The following C2orf42 variants were observed in gnomAD, a reference collection of about 807,000 sequenced individuals.
C2orf42 encodes chromosome 2 open reading frame 42.
A neutral mutation model predicts 58.9 loss-of-function variants in C2orf42; 44 were observed. The ratio of observed to expected loss-of-function variants is 0.75; its 90% CI spans 0.59 to 0.96. The LOEUF (loss-of-function observed/expected upper bound fraction) is 0.96, where lower values mean the gene tolerates loss of function less well. C2orf42 is among the 40% of genes least tolerant of loss of function. The probability of loss-of-function intolerance (pLI) is 0.00; values close to 1 mark genes in which losing one functional copy is unlikely to be tolerated. For missense variants in C2orf42, 630 were observed against 699.2 expected (o/e 0.90, Z 1.12); for synonymous variants, 239 against 265.4 (o/e 0.90, Z 0.97).
chr2:70,159,480 C>G (rs943834968), intron 9 of C2orf42, among the ~76,000 whole-genome samples: 1 of 150,550 alleles, frequency 6.6e-6, no homozygotes, highest in Non-Finnish European at 1.5e-5. Flanking sequence ...CCCAGCTACT[C>G]GGGAGGCTGA....
intron 8 of C2orf42, among the ~76,000 whole-genome samples, chr2:70,163,805 G>A (rs933399584): frequency 6.6e-6 from 1 of 152,010 alleles, no homozygotes; most frequent in Non-Finnish European, 1.5e-5. Context: ...AGCCGAGATC[G>A]TGCCACTGCA....
intron 1 of C2orf42, among the ~76,000 whole-genome samples, chr2:70,189,360 C>T (rs771653036): frequency 8.2e-5 from 10 of 121,780 alleles, no homozygotes; most frequent in Admixed American, 5.2e-4. Flanking sequence ...GAGCCAAGAT[C>T]GTGCCATTGC....
At chr2:70,151,643 C>T (rs570383096) in intron 9 of C2orf42, among the ~76,000 whole-genome samples, 1 of 151,418 alleles carries the variant, frequency 6.6e-6, no homozygotes, top group South Asian at 2.1e-4. Flanking sequence ...CAAAAAACAC[C>T]CCCAAAAAAT....
intron 4 of C2orf42, 87 bp from the exon 5 acceptor site, chr2:70,175,864 AAC>A: frequency 2.3e-6 from 2 of 853,480 alleles, no homozygotes; most frequent in South Asian, 1.4e-5. Flanking sequence ...AAAACATATA[AAC>A]AGTCTTTGCT....
intron 2 of C2orf42, 90 bp from the exon 3 acceptor site, chr2:70,182,087 T>A: frequency 1.5e-6 from 1 of 655,718 alleles, no homozygotes; most frequent in African/African-American, 1.8e-5. Flanking sequence ...GAAGGCAAAA[T>A]ATAAAAAAGC....
chr2:70,168,259 G>A (rs950712372), intron 6 of C2orf42, among the ~76,000 whole-genome samples: 2 of 151,160 alleles, frequency 1.3e-5, no homozygotes, highest in African/African-American at 4.9e-5. Flanking sequence ...TGGGACTACA[G>A]GCCTCTGCCA....
intron 4 of C2orf42, among the ~76,000 whole-genome samples, chr2:70,178,410 C>T (rs1281753977): frequency 6.6e-6 from 1 of 151,896 alleles, no homozygotes; most frequent in Admixed American, 6.6e-5. Context: ...AGTTCAAGAC[C>T]AGCCTGGCCA....
intron 9 of C2orf42, 52 bp downstream of exon 9, chr2:70,160,573 A>AC: frequency 7.6e-7 from 1 of 1,312,784 alleles, no homozygotes; most frequent in South Asian, 1.3e-5. Context: ...AGTGTACTGT[A>AC]CTGTTCACCA....
rs76125755 is a variant in C2orf42, at chr2:70,178,296, T to C, written c.934+1236A>G. Among the ~76,000 whole-genome samples the C allele has an allele frequency of 5.9e-5, 9 of 152,282 alleles. 1 individual carries two copies. The East Asian group carries it at 1.7e-3, about 29-fold the overall frequency. The stretch of plus-strand genomic sequence containing the variant: ...TCAGAGTCCTTAACTGACACTAGTA[T>C]TAAGCATTTGAATTTAAAAATGTGG... On this transcript the variant is annotated intron_variant, in intron 4 of 9. Coordinates refer to ENST00000264434, the MANE Select transcript of C2orf42 (RefSeq NM_017880.3).
chr2:70,155,981 C>T (rs1039253605), intron 9 of C2orf42, among the ~76,000 whole-genome samples: 1 of 151,630 alleles, frequency 6.6e-6, no homozygotes, highest in Non-Finnish European at 1.5e-5. Context: ...TGTGGAGAAA[C>T]CCCATCTCTA....
chr2:70,184,300 CACTGCAA>C (rs1674779541), intron 1 of C2orf42, among the ~76,000 whole-genome samples: 1 of 151,846 alleles, frequency 6.6e-6, no homozygotes, highest in Non-Finnish European at 1.5e-5. Flanking sequence ...GATCTCGATT[CACTGCAA>C]CCTCCGCCTC....
intron 9 of C2orf42, among the ~76,000 whole-genome samples, chr2:70,156,861 CAA>C (rs57668419): frequency 1.1e-4 from 13 of 117,658 alleles, no homozygotes; most frequent in Admixed American, 8.9e-5. Context: ...GACCCTATCT[CAA>C]AAAAAAAAAA....
intron 9 of C2orf42, among the ~76,000 whole-genome samples, chr2:70,151,387 G>C (rs542021545): frequency 6.6e-6 from 1 of 152,190 alleles, no homozygotes; most frequent in Admixed American, 6.6e-5. Flanking sequence ...TGTAATTCCA[G>C]CACTGTGGGA....
intron 5 of C2orf42, among the ~76,000 whole-genome samples, chr2:70,172,732 C>T (rs888450111): frequency 3.9e-5 from 6 of 152,128 alleles, no homozygotes; most frequent in African/African-American, 1.2e-4. Flanking sequence ...GTCTGAAGTA[C>T]AGTATCACCT....
chr2:70,179,070 G>A (rs1674379158), intron 4 of C2orf42, among the ~76,000 whole-genome samples: 1 of 152,008 alleles, frequency 6.6e-6, no homozygotes, highest in Non-Finnish European at 1.5e-5. Context: ...AACACTCTAT[G>A]GATGAAAACT....
At chr2:70,152,217 C>T (rs1672356327) in intron 9 of C2orf42, among the ~76,000 whole-genome samples, 1 of 152,192 alleles carries the variant, frequency 6.6e-6, no homozygotes, top group African/African-American at 2.4e-5. Flanking sequence ...AGAAACAAAG[C>T]ATCCATCCAC....
At chr2:70,165,464 T>G in intron 7 of C2orf42, 64 bp downstream of exon 7, 1 of 958,686 alleles carries the variant, frequency 1.0e-6, no homozygotes, top group Non-Finnish European at 1.7e-6. Context: ...CCACACAGAT[T>G]TTTTCCAAAC....
chr2:70,164,317 CA>C (rs1392346952), intron 8 of C2orf42, among the ~76,000 whole-genome samples: 16 of 142,840 alleles, frequency 1.1e-4, no homozygotes, highest in African/African-American at 1.3e-4. Context: ...AACCAAAATT[CA>C]AAAAAAAAAG....
chr2:70,185,633 C>T (rs565191697), intron 1 of C2orf42, among the ~76,000 whole-genome samples: 90 of 151,830 alleles, frequency 5.9e-4, no homozygotes, highest in African/African-American at 2.1e-3. Context: ...ATTGCTTGAA[C>T]ACAGGAGGCA....
Sources: allele counts gnomAD v4.1 joint callset (sites outside exome capture counted in the v4.1 genomes callset), GRCh38; gene constraint gnomAD v4.1.1; transcripts MANE v1.5; gene names NCBI Gene and HGNC (gene_info 2026-07-23, HGNC 2026-07-21).